USP10: variants seen among roughly 807,000 people sequenced by gnomAD.
USP10 encodes the protein ubiquitin carboxyl-terminal hydrolase 10.
In USP10, 22 loss-of-function variants were observed where a neutral mutation model predicts 84.5. The ratio of observed to expected loss-of-function variants is 0.26; its 90% CI spans 0.19 to 0.37. The LOEUF (loss-of-function observed/expected upper bound fraction) is 0.37. Ranked by LOEUF, USP10 falls within the 10% of genes least tolerant of loss-of-function variation. The pLI is 1.00. For synonymous variants in USP10, 454 were observed against 387.6 expected (o/e 1.17, Z -2.01); for missense variants, 1,019 against 998.9 (o/e 1.02, Z -0.27).
At chr16:84,726,816 C>T (rs531313256) in intron 1 of USP10, among the ~76,000 whole-genome samples, 1 of 152,334 alleles carries the variant, frequency 6.6e-6, no homozygotes, top group Admixed American at 6.5e-5. Context: ...ACTTTGCTCC[C>T]CCGAATCGCA....
rs1363091467 is a variant in USP10, at chr16:84,744,807, G to A, written c.326G>A (p.Ser109Asn). The A allele has an allele frequency of 1.9e-6, 3 of 1,613,592 alleles. No individual in the cohort carries two copies. Among genetic ancestry groups the A allele is most frequent in the Non-Finnish European group, 2.5e-6 (3 of 1,179,714 alleles). The change falls in exon 4 of 14, where the codon AGC (serine) becomes AAC (asparagine). Residue 109 changes from serine (S) to asparagine (N), a missense_variant. Around this residue, in one of 2 missense-constraint regions of USP10, gnomAD observed 787 missense variants for 708.8 expected, o/e 1.11. Coordinates refer to ENST00000219473, the MANE Select transcript of USP10 (RefSeq NM_005153.3). ...ITPDGITKEASYGSIDCQYPG... is the reference protein window; with the variant it reads ...ITPDGITKEANYGSIDCQYPG... ...CCTGATGGTATCACTAAAGAAGCAA[G>A]CTATGGCTCCATCGACTGCCAGTAC... is the stretch of plus-strand genomic sequence containing the variant.
chr16:84,744,703 C>T lies in USP10; in HGVS notation c.222C>T (p.Thr74=). ...AACCCAGTGACACTTTGCCGAGAAC[C>T]CCCAGCTACAGTATTTCAAGCACAC... ...VIEPSDTLPR[T]PSYSISSTLN... The change falls in exon 4 of 14, where the codon ACC becomes ACT. Residue 74 remains threonine, a synonymous_variant. Transcript: ENST00000219473. 6 of 1,613,550 alleles carry T rather than the reference C, an allele frequency of 3.7e-6. No homozygotes were observed. The highest frequency in any genetic ancestry group is 5.1e-6 in the Non-Finnish European group (6 of 1,179,666).
At chr16:84,743,391 C>G (rs896453342) in intron 3 of USP10, among the ~76,000 whole-genome samples, 2 of 152,148 alleles carry the variant, frequency 1.3e-5, no homozygotes, top group African/African-American at 4.8e-5. Context: ...GTAGCTCCAG[C>G]CTCCTGCACA....
intron 2 of USP10, among the ~76,000 whole-genome samples, chr16:84,734,644 A>G (rs1909661677): frequency 6.6e-6 from 1 of 152,180 alleles, no homozygotes; most frequent in Middle Eastern, 3.4e-3. Flanking sequence ...TTTAATGTCA[A>G]CTGAATTGAT....
intron 1 of USP10, among the ~76,000 whole-genome samples, chr16:84,714,909 T>G (rs7203065): frequency 0.57 from 84,296 of 148,986 alleles, 24,159 homozygotes; most frequent in Admixed American, 0.63. Context: ...ATTTAAAAAG[T>G]TCTGATTATT....
In USP10 at chr16:84,778,265, C is replaced by T. The variant is rs569670550; in HGVS notation, c.2210-630C>T. On this transcript the variant is annotated intron_variant, in intron 13 of 13. Coordinates refer to ENST00000219473, the MANE Select transcript of USP10 (RefSeq NM_005153.3). ...CCAGGGTCCCTCCTGCCATGTGGGC[C>T]GGCACCGGGAGATTGTGTCCCGTGT... Among the ~76,000 whole-genome samples the T allele has an allele frequency of 2.0e-5, 3 of 152,202 alleles. No homozygotes were observed. The South Asian group carries it at 6.2e-4, about 32-fold the overall frequency.
intron 1 of USP10, among the ~76,000 whole-genome samples, chr16:84,700,352 C>T (rs1440215506): frequency 6.6e-6 from 1 of 151,936 alleles, no homozygotes; most frequent in Non-Finnish European, 1.5e-5. Flanking sequence ...GGCTCCGGGC[C>T]CCGCTTGGGG....
At chr16:84,745,706 G>A in intron 4 of USP10, 33 bp downstream of exon 4, 2 of 1,566,400 alleles carry the variant, frequency 1.3e-6, no homozygotes, top group Non-Finnish European at 1.7e-6. Context: ...CTAGAGTGAA[G>A]ATGGGAGCAG....
At chr16:84,775,970 C>T (rs1009213511) in intron 13 of USP10, among the ~76,000 whole-genome samples, 2 of 152,124 alleles carry the variant, frequency 1.3e-5, no homozygotes, top group East Asian at 1.9e-4. Context: ...GTTTTTACTA[C>T]ATGTTTCTAG....
intron 4 of USP10, among the ~76,000 whole-genome samples, chr16:84,750,834 G>A (rs1317799612): frequency 1.3e-5 from 2 of 152,200 alleles, no homozygotes; most frequent in Non-Finnish European, 2.9e-5. Context: ...CTCTTGAACA[G>A]CTCTGAAAAC....
chr16:84,715,149 C>T (rs907233161), intron 1 of USP10, among the ~76,000 whole-genome samples: 2 of 152,024 alleles, frequency 1.3e-5, no homozygotes, highest in East Asian at 3.9e-4. Context: ...GGTCTGGTCT[C>T]GACCTCCTGA....
chr16:84,740,125 T>C (rs1300821527), intron 2 of USP10, among the ~76,000 whole-genome samples, 184 bp from the exon 3 acceptor site: 2 of 152,258 alleles, frequency 1.3e-5, no homozygotes, highest in Non-Finnish European at 2.9e-5. Context: ...TCTATTGTGT[T>C]TTTTTCGTTA....
chr16:84,761,568 GACTGTGACCAC>G (rs1402402393), intron 8 of USP10, among the ~76,000 whole-genome samples: 1 of 152,240 alleles, frequency 6.6e-6, no homozygotes, highest in Non-Finnish European at 1.5e-5. Flanking sequence ...TCCAGCACCA[GACTGTGACCAC>G]ACGTGAAATG....
intron 13 of USP10, among the ~76,000 whole-genome samples, chr16:84,776,541 C>G (rs1306252487): frequency 6.6e-6 from 1 of 152,218 alleles, no homozygotes; most frequent in Non-Finnish European, 1.5e-5. Context: ...AGTCCTCAGA[C>G]TCTGCAGCCA....
intron 1 of USP10, among the ~76,000 whole-genome samples, chr16:84,700,604 G>C (rs1904734554): frequency 1.3e-5 from 2 of 152,200 alleles, no homozygotes; most frequent in Admixed American, 6.5e-5. Flanking sequence ...TTCTCAGCTT[G>C]ATTGATGATG....
chr16:84,712,193 T>C (rs1166899454), intron 1 of USP10, among the ~76,000 whole-genome samples: 1 of 152,178 alleles, frequency 6.6e-6, no homozygotes, highest in South Asian at 2.1e-4. Flanking sequence ...AGGGCCCTTA[T>C]ACTTTGATTC....
chr16:84,745,809 C>A, intron 4 of USP10, 136 bp downstream of exon 4: 1 of 898,678 alleles, frequency 1.1e-6, no homozygotes, highest in Non-Finnish European at 1.7e-6. Flanking sequence ...ATGCCTATGT[C>A]TTAAATGTTC....
chr16:84,751,058 A>G (rs991574893), intron 4 of USP10, among the ~76,000 whole-genome samples: 1 of 152,252 alleles, frequency 6.6e-6, no homozygotes, highest in Non-Finnish European at 1.5e-5. Context: ...GTTTCAGTCA[A>G]CAACAGACCG....
chr16:84,717,985 T>C (rs1907271945), intron 1 of USP10, among the ~76,000 whole-genome samples: 2 of 152,166 alleles, frequency 1.3e-5, no homozygotes, highest in Admixed American at 1.3e-4. Context: ...GTATATAATT[T>C]ATGGTATTTT....
Sources: gnomAD v4.1 joint callset for allele counts (sites outside exome capture counted in the v4.1 genomes callset) on GRCh38, gnomAD v4.1.1 for gene constraint, gnomAD v4.1.1 regional missense constraint, MANE v1.5 for transcripts, NCBI Gene and HGNC (gene_info 2026-07-23, HGNC 2026-07-21) for gene names.